XRCC1: variants seen among roughly 807,000 people sequenced by gnomAD.
The protein encoded by XRCC1 is X-ray repair cross complementing 1.
In XRCC1, 52 loss-of-function variants were observed where a neutral mutation model predicts 83.3. That is an observed-to-expected ratio of 0.62 (90% CI 0.50 to 0.79). The LOEUF (loss-of-function observed/expected upper bound fraction) is 0.79, where lower values mean the gene tolerates loss of function less well. Ranked by LOEUF, XRCC1 falls within the 30% of genes least tolerant of loss-of-function variation. The probability of loss-of-function intolerance (pLI) is 0.00; values close to 1 mark genes in which losing one functional copy is unlikely to be tolerated. For synonymous variants in XRCC1, 281 were observed against 312.6 expected (o/e 0.90, Z 1.07); for missense variants, 793 against 823.5 (o/e 0.96, Z 0.45).
rs771236713 is a variant in XRCC1, at chr19:43,554,626, C to A, written c.414+20G>T. 5 of 1,600,074 alleles carry A rather than the reference C, an allele frequency of 3.1e-6. No individual in the cohort carries two copies. In the South Asian group the frequency reaches 5.5e-5, roughly 18 times the overall value. On this transcript the variant is annotated intron_variant, in intron 4 of 16. Transcript: ENST00000262887. ...TGCCCAGGACCAAGGACTCTGCACC[C>A]TGGCTCCCACCCTAGGTACCTTGCT...
At chr19:43,545,428 C>G (rs1972498313) in intron 14 of XRCC1, among the ~76,000 whole-genome samples, 1 of 152,218 alleles carries the variant, frequency 6.6e-6, no homozygotes, top group African/African-American at 2.4e-5. Context: ...CACCCAGGGC[C>G]TGACAGAGAG....
Position 43,544,152 on chromosome 19 carries a change from G to T in XRCC1, c.1704C>A (p.Ala568=). Residue 568 remains alanine (A), a synonymous_variant, in exon 15 of 17, where the codon GCC becomes GCA. Coordinates refer to ENST00000262887, the MANE Select transcript of XRCC1 (RefSeq NM_006297.3). ...AGTCCCTGGAGACTCACCCATTGAA[G>T]GCTGTGACGTATCGGATGAGTTTCC... ...ERRKLIRYVT[A]FNGELEDYMS... 6.2e-7 allele frequency: 1 copy of T among 1,607,858 alleles called. No homozygotes were observed. Among genetic ancestry groups the T allele is most frequent in the Middle Eastern group, 1.7e-4 (1 of 6,054 alleles).
chr19:43,553,853 T>C (rs1159487877), intron 4 of XRCC1, 170 bp from the exon 5 acceptor site: 9 of 561,112 alleles, frequency 1.6e-5, no homozygotes, highest in Admixed American at 3.1e-5. Context: ...TAAGCTGTTA[T>C]GACTGAGCCC....
Position 43,543,608 on chromosome 19 carries a change from T to C in XRCC1, c.1788+4A>G, listed in dbSNP as rs1480505001. The C allele has an allele frequency of 3.1e-6, 5 of 1,613,836 alleles. No homozygotes were observed. The highest frequency in any genetic ancestry group is 4.5e-5 in the East Asian group (2 of 44,866). Reference sequence around the variant, plus strand: ...CTCCCATTCTCTGCCTCTTTGGTACTCACCTCCTCAAAGCTGGGATCCCAT... The same window carrying C: ...CTCCCATTCTCTGCCTCTTTGGTACCCACCTCCTCAAAGCTGGGATCCCAT... On this transcript the variant is annotated splice_donor_region_variant and intron_variant, in intron 16 of 16. Coordinates refer to ENST00000262887, the MANE Select transcript of XRCC1 (RefSeq NM_006297.3).
intron 2 of XRCC1, among the ~76,000 whole-genome samples, chr19:43,563,924 C>CT (rs1455069653): frequency 1.3e-5 from 2 of 152,202 alleles, no homozygotes; most frequent in African/African-American, 4.8e-5. Context: ...ACAGTATCGT[C>CT]TGAGTTGTTC....
intron 2 of XRCC1, among the ~76,000 whole-genome samples, chr19:43,567,405 C>T (rs949392099): frequency 6.6e-6 from 1 of 152,042 alleles, no homozygotes; most frequent in Non-Finnish European, 1.5e-5. Context: ...CTCTGCCTTC[C>T]AGTTCAAGTG....
At chr19:43,553,760 G>A (rs1972607377) in intron 4 of XRCC1, 77 bp from the exon 5 acceptor site, 1 of 1,260,168 alleles carries the variant, frequency 7.9e-7, no homozygotes, top group East Asian at 2.4e-5. Flanking sequence ...TTCACTCAGG[G>A]AAACCTCTTC....
At chr19:43,555,306 G>A (rs1045935245) in intron 3 of XRCC1, 16 of 152,364 alleles carry the variant, frequency 1.1e-4, no homozygotes, top group Non-Finnish European at 2.2e-4. Flanking sequence ...ATCTGGGCCC[G>A]CACTTGGCAA....
intron 10 of XRCC1, among the ~76,000 whole-genome samples, chr19:43,550,562 G>A (rs1972564761): frequency 6.6e-6 from 1 of 152,110 alleles, no homozygotes; most frequent in Non-Finnish European, 1.5e-5. Flanking sequence ...ACACACTCAG[G>A]CCATGGAGTA....
Position 43,543,392 on chromosome 19 carries a change from T to G in XRCC1, c.1902A>C (p.Ter634CysextTer?). ...HQLYGVVPQA[*>C] ...TGTGTGTGTGTGTATAGCACATACT[T>G]CAGGCTTGCGGCACCACCCCATAGA... Residue 634 changes from the stop codon to cysteine (C), a stop_lost, in exon 17 of 17, where the codon TGA becomes TGC. Coordinates refer to ENST00000262887, the MANE Select transcript of XRCC1 (RefSeq NM_006297.3). 2.5e-6 allele frequency: 4 copies of G among 1,579,890 alleles called. No homozygotes were observed. Among genetic ancestry groups the G allele is most frequent in the Non-Finnish European group, 3.5e-6 (4 of 1,158,768 alleles).
At chr19:43,568,036 G>A (rs867065037) in intron 2 of XRCC1, among the ~76,000 whole-genome samples, 5 of 151,646 alleles carry the variant, frequency 3.3e-5, no homozygotes, top group Admixed American at 6.6e-5. Context: ...CACTGCACCT[G>A]GCTAATTTTT....
rs746529371 is a variant in XRCC1, at chr19:43,543,645, G to C, written c.1755C>G (p.Ile585Met). Residue 585 changes from isoleucine to methionine, a missense_variant, in exon 16 of 17, where the codon ATC becomes ATG. Transcript: ENST00000262887. Reference sequence around the variant, plus strand: ...AGCTGGGATCCCATTCCTGTGCTGTGATCACAAACTGAACCCGGTCACTCA... The same window carrying C: ...AGCTGGGATCCCATTCCTGTGCTGTCATCACAAACTGAACCCGGTCACTCA... ...DYMSDRVQFV[I>M]TAQEWDPSFE... is the part of the protein sequence containing the mutation. 2 of 1,613,980 alleles carry C rather than the reference G, an allele frequency of 1.2e-6. No individual in the cohort carries two copies. The highest frequency in any genetic ancestry group is 2.2e-5 in the East Asian group (1 of 44,858).
At chr19:43,569,475 CAAAAA>C (rs34545606) in intron 2 of XRCC1, among the ~76,000 whole-genome samples, 3 of 129,788 alleles carry the variant, frequency 2.3e-5, no homozygotes, top group African/African-American at 5.9e-5. Flanking sequence ...GACCCTGTCT[CAAAAA>C]AAAAAAAAAA....
At position 43,574,837 on chromosome 19, in the gene XRCC1, T is replaced by C. The variant is rs1235028692; in HGVS notation, c.144+73A>G. 4 of 1,277,166 alleles carry C rather than the reference T, an allele frequency of 3.1e-6. No homozygotes were observed. The East Asian group carries it at 9.3e-5, about 30-fold the overall frequency. The allele number at this position is 1,277,166 out of a possible 1,614,324, so 79.1% of individuals were successfully genotyped here. A position where few individuals can be genotyped will look rare whatever the true frequency, so the allele number is the denominator to read the frequency against. ...AGAAAGTGACTAAACCCACTGCCAG[T>C]TGGCTCAGGAGCAGAATCTGGAACC... On this transcript the variant is annotated intron_variant, in intron 2 of 16. Coordinates refer to ENST00000262887, the MANE Select transcript of XRCC1 (RefSeq NM_006297.3).
rs572327355 is a variant in XRCC1, at chr19:43,575,334, C to T, written c.51+74G>A. ...ACTCTCCTTAGACTTCCAAGAGAAC[C>T]CCAAAAGCTCTTTTAAGAGCTATCC... On this transcript the variant is annotated intron_variant, in intron 1 of 16. Transcript: ENST00000262887. The T allele has an allele frequency of 5.5e-6, 8 of 1,466,980 alleles. No individual in the cohort carries two copies. The South Asian group carries it at 8.1e-5, about 15-fold the overall frequency. The allele number at this position is 1,466,980 out of a possible 1,614,324, so 90.9% of individuals were successfully genotyped here.
chr19:43,569,213 C>T (rs1972783408), intron 2 of XRCC1, among the ~76,000 whole-genome samples: 2 of 152,084 alleles, frequency 1.3e-5, no homozygotes, highest in Admixed American at 1.3e-4. Flanking sequence ...TGGCTCATGT[C>T]TGTAATCCCA....
chr19:43,548,505 T>C (rs948669956), intron 10 of XRCC1, among the ~76,000 whole-genome samples: 15 of 152,204 alleles, frequency 9.9e-5, no homozygotes, highest in African/African-American at 3.4e-4. Flanking sequence ...ACATGTGTTG[T>C]GTCCACTCAG....
chr19:43,554,420 C>G (rs1484386070), intron 4 of XRCC1, among the ~76,000 whole-genome samples: 4 of 147,096 alleles, frequency 2.7e-5, no homozygotes, highest in Admixed American at 1.4e-4. Context: ...CGATTCCCCT[C>G]TGAGATGCTG....
intron 2 of XRCC1, among the ~76,000 whole-genome samples, chr19:43,567,678 G>A (rs1266264327): frequency 1.3e-5 from 2 of 152,052 alleles, no homozygotes; most frequent in Non-Finnish European, 2.9e-5. Context: ...TAAGAGATGA[G>A]TGCTCAGTAT....
Sources: allele counts gnomAD v4.1 joint callset (sites outside exome capture counted in the v4.1 genomes callset), GRCh38; gene constraint gnomAD v4.1.1; transcripts MANE v1.5; gene names NCBI Gene and HGNC (gene_info 2026-07-23, HGNC 2026-07-21).